CDKN1A: variants seen among roughly 807,000 people sequenced by gnomAD.
The protein encoded by CDKN1A is cyclin-dependent kinase inhibitor 1.
Under a neutral mutation model 14.8 loss-of-function variants are expected in CDKN1A, and 14 were observed. That is an observed-to-expected ratio of 0.94 (90% CI 0.62 to 1.48). The LOEUF (loss-of-function observed/expected upper bound fraction) is 1.48, where lower values mean the gene tolerates loss of function less well. CDKN1A is among the 40% of genes most tolerant of loss of function. The pLI is 0.00. For synonymous variants in CDKN1A, 92 were observed against 93.5 expected (o/e 0.98, Z 0.09); for missense variants, 203 against 231.7 (o/e 0.88, Z 0.80).
At chr6:36,681,950 G>A (rs1286971665) in intron 1 of CDKN1A, among the ~76,000 whole-genome samples, 1 of 152,038 alleles carries the variant, frequency 6.6e-6, no homozygotes, top group Non-Finnish European at 1.5e-5. Context: ...TCAGCTAGTT[G>A]CCCAGGCTAG....
chr6:36,681,377 C>A (rs1385060769), intron 1 of CDKN1A, among the ~76,000 whole-genome samples: 1 of 62,508 alleles, frequency 1.6e-5, no homozygotes, highest in Non-Finnish European at 3.0e-5. Flanking sequence ...TTCTTTCTTT[C>A]TTTCTTTCTT....
Position 36,678,763 on chromosome 6 carries a change from C to T in CDKN1A, c.-41C>T. 4 of 985,710 alleles carry T rather than the reference C, an allele frequency of 4.1e-6. No individual in the cohort carries two copies. The highest frequency in any genetic ancestry group is 4.8e-6 in the Non-Finnish European group (4 of 830,170). 61.1% of individuals were successfully genotyped at this position (985,710 alleles called of 1,614,324 possible). ...AGTTCCTTGTGGAGCCGGAGCTGGG[C>T]GCGGATTCGCCGAGGCACCGAGGCA... is the stretch of plus-strand genomic sequence containing the variant. On this transcript the variant is annotated 5_prime_UTR_variant, in exon 1 of 3. Coordinates refer to ENST00000244741, the MANE Select transcript of CDKN1A (RefSeq NM_000389.5). The surrounding 1 kb of genome is among the most constrained non-coding windows in gnomAD (Gnocchi z 5.7).
intron 1 of CDKN1A, 143 bp from the exon 2 acceptor site, chr6:36,683,953 AG>A (rs1340106068): frequency 6.0e-6 from 5 of 829,572 alleles, no homozygotes; most frequent in Admixed American, 2.0e-5. Flanking sequence ...TCCTGTGGGA[AG>A]GAAGCAGGAA....
upstream of CDKN1A, chr6:36,678,712 C>T (rs1174396539): frequency 2.0e-6 from 2 of 985,378 alleles, no homozygotes; most frequent in Non-Finnish European, 2.4e-6. The surrounding 1 kb of genome is among the most constrained non-coding windows in gnomAD (Gnocchi z 5.7). Flanking sequence ...GCTGCGCCAG[C>T]TGAGGTGTGA....
chr6:36,683,021 C>G (rs1342611501), intron 1 of CDKN1A, among the ~76,000 whole-genome samples: 1 of 152,194 alleles, frequency 6.6e-6, no homozygotes, highest in East Asian at 1.9e-4. Flanking sequence ...GGGAAAGGCC[C>G]TCAGCCTACA....
rs368631538 is a variant in CDKN1A, at chr6:36,684,307, G to C, written c.206G>C (p.Arg69Pro). ...GGTGACTTCGCCTGGGAGCGTGTGC[G>C]GGGCCTTGGCCTGCCCAAGCTCTAC... ...LEGDFAWERV[R>P]GLGLPKLYLP... Residue 69 changes from arginine (R) to proline (P), a missense_variant, in exon 2 of 3, where the codon CGG becomes CCG. Coordinates refer to ENST00000244741, the MANE Select transcript of CDKN1A (RefSeq NM_000389.5). This position sits in a 1 kb window ranked among gnomAD's most constrained non-coding sequence, Gnocchi z 6.0. 6.2e-7 allele frequency: 1 copy of C among 1,613,202 alleles called. No homozygotes were observed. Among genetic ancestry groups the C allele is most frequent in the Admixed American group, 1.7e-5 (1 of 60,024 alleles).
At chr6:36,678,414 C>A, upstream of CDKN1A, 1 of 153,056 alleles carries the variant, frequency 6.5e-6, no homozygotes. The surrounding 1 kb of genome is among the most constrained non-coding windows in gnomAD (Gnocchi z 5.7). Context: ...CCAACTCATT[C>A]TCCAAGTAAA....
intron 1 of CDKN1A, among the ~76,000 whole-genome samples, chr6:36,681,357 TTTC>T (rs1451315519): frequency 3.2e-4 from 34 of 106,758 alleles, no homozygotes; most frequent in Middle Eastern, 4.4e-3. Flanking sequence ...TTTCTTTTTC[TTTC>T]TTTTCTTTCT....
At position 36,685,805 on chromosome 6, in the gene CDKN1A, C is replaced by T. The variant is rs1562041701; in HGVS notation, c.*5C>T. 3 of 1,613,914 alleles carry T rather than the reference C, an allele frequency of 1.9e-6. No homozygotes were observed. The highest frequency in any genetic ancestry group is 2.5e-6 in the Non-Finnish European group (3 of 1,179,900). On this transcript the variant is annotated 3_prime_UTR_variant, in exon 3 of 3. Coordinates refer to ENST00000244741, the MANE Select transcript of CDKN1A (RefSeq NM_000389.5). Reference sequence around the variant, plus strand: ...TTCTCCAAGAGGAAGCCCTAATCCGCCCACAGGAAGCCTGCAGTCCTGGAA... The same window carrying T: ...TTCTCCAAGAGGAAGCCCTAATCCGTCCACAGGAAGCCTGCAGTCCTGGAA...
Position 36,684,049 on chromosome 6 carries a change from T to C in CDKN1A, c.-5-48T>C. Reference sequence around the variant, plus strand: ...AGCAAAGCCCGGCCAGGTAACATAGTGTCTAATCTCCGCCGTGACCAGGGC... The same window carrying C: ...AGCAAAGCCCGGCCAGGTAACATAGCGTCTAATCTCCGCCGTGACCAGGGC... On this transcript the variant is annotated intron_variant, in intron 1 of 2. Transcript: ENST00000244741. This position sits in a 1 kb window ranked among gnomAD's most constrained non-coding sequence, Gnocchi z 6.0. 1 of 1,574,734 alleles carries C rather than the reference T, an allele frequency of 6.4e-7. No individual in the cohort carries two copies. Among genetic ancestry groups the C allele is most frequent in the Non-Finnish European group, 8.7e-7 (1 of 1,152,852 alleles).
At position 36,685,817 on chromosome 6, in the gene CDKN1A, C is replaced by T; in HGVS notation, c.*17C>T. ...AAGCCCTAATCCGCCCACAGGAAGC[C>T]TGCAGTCCTGGAAGCGCGAGGGCCT... On this transcript the variant is annotated 3_prime_UTR_variant, in exon 3 of 3. Transcript: ENST00000244741. 6.2e-7 allele frequency: 1 copy of T among 1,613,712 alleles called. No individual in the cohort carries two copies. Among genetic ancestry groups the T allele is most frequent in the Non-Finnish European group, 8.5e-7 (1 of 1,179,618 alleles).
chr6:36,679,052 A>G (rs964883485), intron 1 of CDKN1A: 6 of 893,234 alleles, frequency 6.7e-6, no homozygotes, highest in Middle Eastern at 5.7e-4. Flanking sequence ...GAGCGGGATT[A>G]CAAGTACAGG....
At chr6:36,683,948 T>G (rs1246882267) in intron 1 of CDKN1A, 149 bp from the exon 2 acceptor site, 9 of 806,618 alleles carry the variant, frequency 1.1e-5, no homozygotes, top group Non-Finnish European at 1.8e-5. Flanking sequence ...AGGCCTCCTG[T>G]GGGAAGGAAG....
At chr6:36,681,279 T>TCCTTTC in intron 1 of CDKN1A, among the ~76,000 whole-genome samples, 1 of 96,834 alleles carries the variant, frequency 1.0e-5, no homozygotes, top group East Asian at 2.8e-4. Flanking sequence ...TTTCTTTCTT[T>TCCTTTC]TTTTCTTTCT....
rs764181954 is a variant in CDKN1A at position 36,684,203 on chromosome 6, T to TGATGCGCTAATGGCGGGCG, written c.120_121insGGATGCGCTAATGGCGGGC (p.Cys41GlyfsTer13). 3 of 1,611,948 alleles carry TGATGCGCTAATGGCGGGCG rather than the reference T, an allele frequency of 1.9e-6. No homozygotes were observed. In the African/African-American group the frequency reaches 4.0e-5, roughly 22 times the overall value. On this transcript the variant is annotated frameshift_variant, in exon 2 of 3. Coordinates refer to ENST00000244741, the MANE Select transcript of CDKN1A (RefSeq NM_000389.5). LOFTEE classifies it high-confidence loss of function. This position sits in a 1 kb window ranked among gnomAD's most constrained non-coding sequence, Gnocchi z 6.0. ...ACAGCGAGCAGCTGAGCCGCGACTG[T>TGATGCGCTAATGGCGGGCG]GATGCGCTAATGGCGGGCTGCATCC...
chr6:36,681,074 G>A (rs1761923435), intron 1 of CDKN1A, among the ~76,000 whole-genome samples: 1 of 152,154 alleles, frequency 6.6e-6, no homozygotes, highest in South Asian at 2.1e-4. Context: ...CCTCCTCCTT[G>A]TGCCTATGAT....
chr6:36,678,604 C>T (rs961541302), upstream of CDKN1A: 26 of 944,722 alleles, frequency 2.8e-5, no homozygotes, highest in African/African-American at 3.9e-4. The surrounding 1 kb of genome is among the most constrained non-coding windows in gnomAD (Gnocchi z 5.7). Context: ...GCCTGGGCCC[C>T]GGGGAGGGCG....
chr6:36,685,567 T>A (rs1326783457), intron 2 of CDKN1A, among the ~76,000 whole-genome samples, 184 bp from the exon 3 acceptor site: 2 of 152,196 alleles, frequency 1.3e-5, no homozygotes, highest in Non-Finnish European at 2.9e-5. Flanking sequence ...TGAAGCATGG[T>A]GGGACACTCC....
intron 1 of CDKN1A, chr6:36,679,067 C>G (rs1761804648): frequency 1.2e-6 from 1 of 829,586 alleles, no homozygotes; most frequent in Non-Finnish European, 1.5e-6. Flanking sequence ...TACAGGAATC[C>G]CTGGTCACGC....
Sources: gnomAD v4.1 joint callset for allele counts (sites outside exome capture counted in the v4.1 genomes callset) on GRCh38, gnomAD v4.1.1 for gene constraint, Gnocchi (gnomAD v3.1) non-coding constraint, MANE v1.5 for transcripts, NCBI Gene and HGNC (gene_info 2026-07-23, HGNC 2026-07-21) for gene names.